The following SPIRE2 variants were observed in gnomAD, a reference collection of about 807,000 sequenced individuals.
SPIRE2 encodes spire type actin nucleation factor 2.
SPIRE2 carries 76 observed loss-of-function variants against 80.7 expected under a neutral mutation model. That is an observed-to-expected ratio of 0.94 (90% CI 0.78 to 1.14). The LOEUF is 1.14. Ranked by LOEUF, SPIRE2 falls within the 50% of genes most tolerant of loss-of-function variation. SPIRE2 has a pLI of 0.00. For synonymous variants in SPIRE2, 535 were observed against 432.6 expected, an observed-to-expected ratio of 1.24 and a Z score of -2.94; for missense variants, 1,196 against 1,015.3, an observed-to-expected ratio of 1.18 and a Z score of -2.42.
intron 1 of SPIRE2, among the ~76,000 whole-genome samples, chr16:89,843,330 G>A (rs942756687): frequency 6.6e-6 from 1 of 152,116 alleles, no homozygotes; most frequent in East Asian, 1.9e-4. Flanking sequence ...CGTGAGCACC[G>A]GCAAAAGGCA....
rs774011401 is a variant in SPIRE2 at position 89,828,600 on chromosome 16, C to G, written c.50C>G (p.Pro17Arg). The change falls in exon 1 of 15, where the codon CCG becomes CGG. Residue 17 changes from proline to arginine, a missense_variant. Coordinates refer to ENST00000378247, the MANE Select transcript of SPIRE2 (RefSeq NM_032451.2). The surrounding 1 kb of genome is among the most constrained non-coding windows in gnomAD (Gnocchi z 5.9). ...CGGAAAGAGR[P>R]EPWELSLEEV... ...GGCGCCGCGGCGGGCGCAGGGCGGC[C>G]GGAGCCCTGGGAGCTGTCCCTGGAG... is the stretch of plus-strand genomic sequence containing the variant. 8.9e-6 allele frequency: 11 copies of G among 1,232,124 alleles called. No homozygotes were observed. In the South Asian group the frequency reaches 2.1e-4, roughly 23 times the overall value. The allele number at this position is 1,232,124 out of a possible 1,614,324, so 76.3% of individuals were successfully genotyped here.
intron 14 of SPIRE2, 55 bp from the exon 15 acceptor site, chr16:89,869,995 G>A: frequency 2.0e-6 from 3 of 1,486,876 alleles, no homozygotes; most frequent in Non-Finnish European, 2.8e-6. Flanking sequence ...AGCAGGGAGG[G>A]GGGTGTGGCA....
At chr16:89,847,632 CCATGAAATGA>C (rs1412842850) in intron 2 of SPIRE2, among the ~76,000 whole-genome samples, 1 of 152,222 alleles carries the variant, frequency 6.6e-6, no homozygotes, top group Non-Finnish European at 1.5e-5. Context: ...CTCCTGGATT[CCATGAAATGA>C]CTGCACAGCC....
chr16:89,851,574 G>A (rs896110279), intron 3 of SPIRE2, among the ~76,000 whole-genome samples: 1 of 152,092 alleles, frequency 6.6e-6, no homozygotes. Context: ...CTCCCAAGCC[G>A]GAGCTCTCCC....
intron 12 of SPIRE2, among the ~76,000 whole-genome samples, chr16:89,866,375 G>A (rs1056836644): frequency 1.3e-5 from 2 of 151,900 alleles, no homozygotes; most frequent in African/African-American, 4.8e-5. Context: ...TCAGCTCACT[G>A]CAACCTCTGC....
At position 89,868,188 on chromosome 16, in the gene SPIRE2, G is replaced by C; in HGVS notation, c.1779-1G>C. The C allele has an allele frequency of 1.2e-6, 2 of 1,614,076 alleles. No individual in the cohort carries two copies. The highest frequency in any genetic ancestry group is 8.5e-7 in the Non-Finnish European group (1 of 1,179,976). On this transcript the variant is annotated splice_acceptor_variant, in intron 12 of 14. Coordinates refer to ENST00000378247, the MANE Select transcript of SPIRE2 (RefSeq NM_032451.2). LOFTEE classifies it high-confidence loss of function. ...GCTGCATTTCCTCTGTTCCCTTCCAGAGCCGTCTGCACTTCCTGTAGCATA... is the reference window on the plus strand; with the variant it reads ...GCTGCATTTCCTCTGTTCCCTTCCACAGCCGTCTGCACTTCCTGTAGCATA...
Position 89,850,322 on chromosome 16 carries a change from T to C in SPIRE2, c.307T>C (p.Phe103Leu), listed in dbSNP as rs1172701372. The change falls in exon 3 of 15, where the codon TTC becomes CTC. Residue 103 changes from phenylalanine (F) to leucine (L), a missense_variant. By Grantham distance (22) the Phe-to-Leu change is conservative (BLOSUM62 0). Coordinates refer to ENST00000378247, the MANE Select transcript of SPIRE2 (RefSeq NM_032451.2). The part of the protein sequence containing the change: ...SEAQTVQSLG[F>L]AIYRALDWGL... ...CCCGCAGACCGTGCAGTCCCTCGGC[T>C]TCGCCATCTACCGCGCGCTGGACTG... The C allele has an allele frequency of 1.9e-6, 3 of 1,603,338 alleles. No individual in the cohort carries two copies. The highest frequency in any genetic ancestry group is 2.5e-6 in the Non-Finnish European group (3 of 1,177,298).
At chr16:89,845,251 TGGG>T in intron 1 of SPIRE2, 68 bp from the exon 2 acceptor site, 1 of 1,369,912 alleles carries the variant, frequency 7.3e-7, no homozygotes, top group South Asian at 1.2e-5. Context: ...GAGGGGGAGG[TGGG>T]GGGACAGCAG....
intron 3 of SPIRE2, among the ~76,000 whole-genome samples, chr16:89,851,130 C>T (rs1051867150): frequency 6.6e-6 from 1 of 152,178 alleles, no homozygotes; most frequent in African/African-American, 2.4e-5. Context: ...CTCACACTTT[C>T]TTCTTACCAG....
At chr16:89,834,094 G>A (rs62056060) in intron 1 of SPIRE2, among the ~76,000 whole-genome samples, 9,356 of 151,318 alleles carry the variant, frequency 0.062, 448 homozygotes, top group East Asian at 0.23. Flanking sequence ...CTGCGCTCGC[G>A]GTTGGCCGTC....
At position 89,863,875 on chromosome 16, in the gene SPIRE2, T is replaced by C; in HGVS notation, c.1778+14T>C. The C allele has an allele frequency of 6.2e-7, 1 of 1,608,952 alleles. No individual in the cohort carries two copies. The highest frequency in any genetic ancestry group is 8.5e-7 in the Non-Finnish European group (1 of 1,176,668). On this transcript the variant is annotated intron_variant, in intron 12 of 14. Transcript: ENST00000378247. This position sits in a 1 kb window ranked among gnomAD's most constrained non-coding sequence, Gnocchi z 4.3. ...CTTCTGCAAGAGGTGAGCCTTCCCT[T>C]TAGCTGTCAGTTCACAAGGGAAGGA...
At chr16:89,860,563 C>T in intron 9 of SPIRE2, 120 bp from the exon 10 acceptor site, 1 of 686,930 alleles carries the variant, frequency 1.5e-6, no homozygotes, top group Non-Finnish European at 2.5e-6. Context: ...GCCGCTTCTC[C>T]CCTTGACCTT....
chr16:89,837,880 C>T (rs866194786), intron 1 of SPIRE2, among the ~76,000 whole-genome samples: 3 of 152,230 alleles, frequency 2.0e-5, no homozygotes, highest in Non-Finnish European at 2.9e-5. Context: ...AGGAAGCTCA[C>T]GGCTCAACCA....
intron 6 of SPIRE2, 111 bp downstream of exon 6, chr16:89,855,797 C>A: frequency 1.8e-6 from 2 of 1,115,842 alleles, no homozygotes; most frequent in Non-Finnish European, 2.6e-6. Flanking sequence ...TGGGAGGTGT[C>A]CCAGTGCGTC....
Position 89,858,323 on chromosome 16 carries a change from C to T in SPIRE2, c.1103-15C>T. Reference sequence around the variant, plus strand: ...CGTTCACTGGCCCGTCCTGCCTCGGCTCCCGTCTCCCCAGGGTTTGGCTCT... The same window carrying T: ...CGTTCACTGGCCCGTCCTGCCTCGGTTCCCGTCTCCCCAGGGTTTGGCTCT... On this transcript the variant is annotated splice_polypyrimidine_tract_variant and intron_variant, in intron 7 of 14. Transcript: ENST00000378247. The T allele has an allele frequency of 6.4e-7, 1 of 1,570,150 alleles. No individual in the cohort carries two copies. Among genetic ancestry groups the T allele is most frequent in the Non-Finnish European group, 8.6e-7 (1 of 1,157,150 alleles).
In SPIRE2 at chr16:89,828,526, C is replaced by T. The variant is rs966969387; in HGVS notation, c.-25C>T. 1 of 1,048,794 alleles carries T rather than the reference C, an allele frequency of 9.5e-7. No homozygotes were observed. The highest frequency in any genetic ancestry group is 1.7e-5 in the African/African-American group (1 of 58,228). The allele number at this position is 1,048,794 out of a possible 1,614,324, so 65.0% of individuals were successfully genotyped here. A position where few individuals can be genotyped will look rare whatever the true frequency, so the allele number is the denominator to read the frequency against. Reference sequence around the variant, plus strand: ...CGGCTGCATGGACGCGGGTCCGGCGCGCGGGAGGCGATGACGGCCCCGCCA... The same window carrying T: ...CGGCTGCATGGACGCGGGTCCGGCGTGCGGGAGGCGATGACGGCCCCGCCA... On this transcript the variant is annotated 5_prime_UTR_variant, in exon 1 of 15. Coordinates refer to ENST00000378247, the MANE Select transcript of SPIRE2 (RefSeq NM_032451.2). This position sits in a 1 kb window ranked among gnomAD's most constrained non-coding sequence, Gnocchi z 5.9.
intron 2 of SPIRE2, among the ~76,000 whole-genome samples, chr16:89,849,374 C>T (rs1197943211): frequency 6.6e-6 from 1 of 152,222 alleles, no homozygotes; most frequent in Non-Finnish European, 1.5e-5. Flanking sequence ...CGTCCCTGTC[C>T]CCACGTCAGT....
chr16:89,848,716 G>A (rs1477270648), intron 2 of SPIRE2, among the ~76,000 whole-genome samples: 12 of 147,926 alleles, frequency 8.1e-5, no homozygotes, highest in African/African-American at 2.8e-4. Context: ...GTTTCTACAG[G>A]ACAGACGAGG....
intron 5 of SPIRE2, 129 bp downstream of exon 5, chr16:89,854,780 C>A: frequency 1.1e-6 from 1 of 897,158 alleles, no homozygotes; most frequent in Non-Finnish European, 1.7e-6. Flanking sequence ...GCTCTCTGTG[C>A]TGGGTACTGG....
Sources: allele counts gnomAD v4.1 joint callset (sites outside exome capture counted in the v4.1 genomes callset), GRCh38; gene constraint gnomAD v4.1.1; non-coding constraint Gnocchi (gnomAD v3.1); transcripts MANE v1.5; gene names NCBI Gene and HGNC (gene_info 2026-07-23, HGNC 2026-07-21).